YPEL2: variants seen among roughly 807,000 people sequenced by gnomAD.
YPEL2 encodes yippee like 2, also known as protein yippee-like 2.
In YPEL2, 2 loss-of-function variants were observed where a neutral mutation model predicts 19.1. The ratio of observed to expected loss-of-function variants is 0.10; its 90% confidence interval spans 0.04 to 0.33. The LOEUF is 0.33. Ranked by LOEUF, YPEL2 falls within the 10% of genes least tolerant of loss-of-function variation. The pLI is 1.00. For synonymous variants in YPEL2, 52 were observed against 50.0 expected (o/e 1.04, Z -0.17); for missense variants, 66 against 140.7 (o/e 0.47, Z 2.68).
chr17:59,337,204 T>C (rs958952119), intron 1 of YPEL2, among the ~76,000 whole-genome samples: 1 of 151,316 alleles, frequency 6.6e-6, no homozygotes, highest in Non-Finnish European at 1.5e-5. Flanking sequence ...TTTTTTTTGT[T>C]TGAGACGGAG....
chr17:59,337,584 G>A (rs1203410629), intron 1 of YPEL2, among the ~76,000 whole-genome samples: 4 of 152,090 alleles, frequency 2.6e-5, no homozygotes, highest in African/African-American at 4.8e-5. Context: ...GAAATTTATA[G>A]CATGATAAAT....
rs772237811 is a variant in YPEL2, at chr17:59,353,622, A to T, written c.117+96A>T. 1.0e-6 allele frequency: 1 copy of T among 960,082 alleles called. No individual in the cohort carries two copies. Among genetic ancestry groups the T allele is most frequent in the Non-Finnish European group, 1.7e-6 (1 of 591,684 alleles). The allele number at this position is 960,082 out of a possible 1,614,324, so 59.5% of individuals were successfully genotyped here. On this transcript the variant is annotated intron_variant, in intron 2 of 4. Transcript: ENST00000312655. This position sits in a 1 kb window ranked among gnomAD's most constrained non-coding sequence, Gnocchi z 4.8. ...TTTACAAGCTCTCAAGAATATTTGT[A>T]CTCCATCTTTGTACAGGGAGGGCTG...
intron 1 of YPEL2, among the ~76,000 whole-genome samples, chr17:59,342,766 G>A (rs1427205531): frequency 3.3e-5 from 5 of 152,214 alleles, no homozygotes; most frequent in Non-Finnish European, 5.9e-5. Flanking sequence ...GGGATCCCTT[G>A]CCTTCTTGGT....
chr17:59,390,040 G>A (rs904124895), intron 4 of YPEL2, among the ~76,000 whole-genome samples: 10 of 151,892 alleles, frequency 6.6e-5, no homozygotes, highest in Non-Finnish European at 8.8e-5. Context: ...TTGGTCTGTC[G>A]CCCAGGCTGG....
Position 59,377,979 on chromosome 17 carries a change from C to T in YPEL2, c.118-10348C>T, listed in dbSNP as rs1429213377. ...TTCACCACGTCCCTCTGGAATAGGGCGTTATTGAATCGGCAATATGTTCCT... is the reference window on the plus strand; with the variant it reads ...TTCACCACGTCCCTCTGGAATAGGGTGTTATTGAATCGGCAATATGTTCCT... On this transcript the variant is annotated intron_variant, in intron 2 of 4. Transcript: ENST00000312655. 3.3e-5 allele frequency among the ~76,000 whole-genome samples: 5 copies of T among 152,296 alleles called. No homozygotes were observed. The South Asian group carries it at 6.2e-4, about 19-fold the overall frequency.
At chr17:59,349,267 G>A (rs922898158) in intron 1 of YPEL2, among the ~76,000 whole-genome samples, 2 of 151,028 alleles carry the variant, frequency 1.3e-5, no homozygotes, top group South Asian at 4.2e-4. Flanking sequence ...GAAGAAGACA[G>A]TGCAGATGTT....
chr17:59,382,044 G>A (rs557550314), intron 2 of YPEL2, among the ~76,000 whole-genome samples: 1 of 152,218 alleles, frequency 6.6e-6, no homozygotes, highest in East Asian at 1.9e-4. Flanking sequence ...CAAGATGCCT[G>A]TTGTTCTCCA....
At chr17:59,396,908 G>A (rs1032965078) in intron 4 of YPEL2, among the ~76,000 whole-genome samples, 193 bp from the exon 5 acceptor site, 7 of 152,144 alleles carry the variant, frequency 4.6e-5, no homozygotes, top group Admixed American at 1.3e-4. Flanking sequence ...GTGGGTGCCT[G>A]TAATCCCAGC....
chr17:59,358,957 T>C (rs1440953497), intron 2 of YPEL2, among the ~76,000 whole-genome samples: 1 of 136,558 alleles, frequency 7.3e-6, no homozygotes, highest in Non-Finnish European at 1.5e-5. Context: ...GAAGTCTTGC[T>C]CTGTGGCCCA....
At chr17:59,350,042 C>T (rs563142547) in intron 1 of YPEL2, among the ~76,000 whole-genome samples, 1 of 152,040 alleles carries the variant, frequency 6.6e-6, no homozygotes, top group Non-Finnish European at 1.5e-5. Flanking sequence ...ACCAGTTGAA[C>T]AAGATTCATA....
chr17:59,391,029 T>A (rs1247725947), intron 4 of YPEL2, among the ~76,000 whole-genome samples: 1 of 152,218 alleles, frequency 6.6e-6, no homozygotes, highest in Non-Finnish European at 1.5e-5. Flanking sequence ...ATTAGCAGAT[T>A]TTTTTCAGCC....
At chr17:59,346,810 A>C (rs1338275761) in intron 1 of YPEL2, among the ~76,000 whole-genome samples, 6 of 152,152 alleles carry the variant, frequency 3.9e-5, no homozygotes, top group African/African-American at 2.4e-5. Context: ...ATTTGAGCTG[A>C]GTTTCAATGG....
chr17:59,347,294 C>CT (rs1218641819), intron 1 of YPEL2, among the ~76,000 whole-genome samples: 6 of 151,974 alleles, frequency 3.9e-5, no homozygotes, highest in East Asian at 3.9e-4. Context: ...GTTCCAGGTC[C>CT]TTTTTTTTCT....
chr17:59,377,758 C>T (rs1470023964), intron 2 of YPEL2, among the ~76,000 whole-genome samples: 1 of 152,164 alleles, frequency 6.6e-6, no homozygotes, highest in Non-Finnish European at 1.5e-5. Flanking sequence ...GGGAGAGGAG[C>T]TTATGGGGTC....
chr17:59,340,694 C>G (rs1293897724), intron 1 of YPEL2, among the ~76,000 whole-genome samples: 2 of 151,594 alleles, frequency 1.3e-5, no homozygotes, highest in Non-Finnish European at 2.9e-5. Context: ...GGATTACAGG[C>G]GTGAGCCACC....
chr17:59,375,852 C>T (rs978711522), intron 2 of YPEL2, among the ~76,000 whole-genome samples: 4 of 152,154 alleles, frequency 2.6e-5, no homozygotes, highest in Non-Finnish European at 4.4e-5. Context: ...ACAGAGTGAG[C>T]CATCCTCCTT....
chr17:59,350,828 G>C (rs894174651), intron 1 of YPEL2, among the ~76,000 whole-genome samples: 18 of 152,124 alleles, frequency 1.2e-4, no homozygotes, highest in African/African-American at 4.3e-4. Context: ...CTCTGTATCT[G>C]CTCTCTAAAC....
Position 59,374,816 on chromosome 17 carries a change from C to T in YPEL2, c.118-13511C>T, listed in dbSNP as rs560574676. 1.6e-3 allele frequency among the ~76,000 whole-genome samples: 242 copies of T among 152,242 alleles called. 6 individuals are homozygous for T. In the South Asian group the frequency reaches 0.023, roughly 15 times the overall value. ...CCGAAAGCCGAACAAACCAAGAGTA[C>T]GTGGCAGAGGAAGTGCTAGAACTGG... On this transcript the variant is annotated intron_variant, in intron 2 of 4. Coordinates refer to ENST00000312655, the MANE Select transcript of YPEL2 (RefSeq NM_001005404.4).
At chr17:59,371,816 T>C (rs2147948683) in intron 2 of YPEL2, among the ~76,000 whole-genome samples, 1 of 152,356 alleles carries the variant, frequency 6.6e-6, no homozygotes, top group South Asian at 2.1e-4. Context: ...CTGGATGAAC[T>C]GGTTTTAATT....
Sources: allele counts gnomAD v4.1 joint callset (sites outside exome capture counted in the v4.1 genomes callset), GRCh38; gene constraint gnomAD v4.1.1; non-coding constraint Gnocchi (gnomAD v3.1); transcripts MANE v1.5; gene names NCBI Gene and HGNC (gene_info 2026-07-23, HGNC 2026-07-21).